LTBP1: variants seen among roughly 807,000 people sequenced by gnomAD.
The protein encoded by LTBP1 is latent transforming growth factor beta binding protein 1, also known as latent-transforming growth factor beta-binding protein 1.
LTBP1 carries 129 observed loss-of-function variants against 207.6 expected under a neutral mutation model. That is an observed-to-expected ratio of 0.62 (90% CI 0.54 to 0.72). LTBP1 has a LOEUF of 0.72. Ranked by LOEUF, LTBP1 falls within the 30% of genes least tolerant of loss-of-function variation. LTBP1 has a pLI of 0.00. For synonymous variants in LTBP1, 963 were observed against 833.7 expected (o/e 1.16, Z -2.67); for missense variants, 2,281 against 2,217.2 (o/e 1.03, Z -0.58).
intron 9 of LTBP1, among the ~76,000 whole-genome samples, chr2:33,224,979 A>AAAG (rs1225037117): frequency 6.6e-6 from 1 of 152,144 alleles, no homozygotes; most frequent in Non-Finnish European, 1.5e-5. Flanking sequence ...ATGCATACTT[A>AAAG]GGTCATTGAT....
chr2:33,260,031 A>G (rs970518970), intron 13 of LTBP1, among the ~76,000 whole-genome samples: 2 of 152,206 alleles, frequency 1.3e-5, no homozygotes, highest in African/African-American at 4.8e-5. Context: ...TTCAACTAAA[A>G]TTTAACATAC....
intron 26 of LTBP1, among the ~76,000 whole-genome samples, chr2:33,353,514 T>C (rs914522619): frequency 2.6e-5 from 4 of 152,214 alleles, no homozygotes; most frequent in Admixed American, 6.5e-5. Context: ...ACTCGGTAAC[T>C]GTTGAATAAA....
Position 33,081,718 on chromosome 2 carries a change from A to G in LTBP1, c.864-28864A>G, listed in dbSNP as rs148303575. Among the ~76,000 whole-genome samples the G allele has an allele frequency of 4.4e-4, 67 of 152,248 alleles. 2 individuals carry two copies. In the East Asian group the frequency reaches 0.011, roughly 25 times the overall value. ...TGTCCCCACCCAAATCTCACCTTGAATTGCAGTCCCCATAGTCCCCATATG... is the reference window on the plus strand; with the variant it reads ...TGTCCCCACCCAAATCTCACCTTGAGTTGCAGTCCCCATAGTCCCCATATG... On this transcript the variant is annotated intron_variant, in intron 3 of 33. Transcript: ENST00000404816.
intron 5 of LTBP1, among the ~76,000 whole-genome samples, chr2:33,148,672 T>C (rs2083252719): frequency 1.3e-5 from 2 of 152,204 alleles, no homozygotes; most frequent in African/African-American, 2.4e-5. Flanking sequence ...ATCAGGCATA[T>C]CCTTAGCTGG....
intron 2 of LTBP1, among the ~76,000 whole-genome samples, chr2:33,008,140 C>G (rs1687181654): frequency 6.6e-6 from 1 of 152,070 alleles, no homozygotes; most frequent in South Asian, 2.1e-4. Flanking sequence ...TTCAAAAAAG[C>G]TTTTCTTGTT....
intron 19 of LTBP1, among the ~76,000 whole-genome samples, chr2:33,289,646 A>C (rs1243715948): frequency 6.6e-6 from 1 of 152,218 alleles, no homozygotes; most frequent in Non-Finnish European, 1.5e-5. Flanking sequence ...GATTATAGAC[A>C]AGAGCCACCA....
At chr2:33,259,432 C>T (rs1016497793) in intron 12 of LTBP1, among the ~76,000 whole-genome samples, 156 bp from the exon 13 acceptor site, 11 of 152,166 alleles carry the variant, frequency 7.2e-5, no homozygotes, top group Admixed American at 6.5e-4. Context: ...GTAAAATTCC[C>T]TAAAATGGCA....
At position 32,974,147 on chromosome 2, in the gene LTBP1, T is replaced by C. The variant is rs1572893770; in HGVS notation, c.565+25202T>C. 2.0e-5 allele frequency among the ~76,000 whole-genome samples: 3 copies of C among 152,348 alleles called. No homozygotes were observed. The East Asian group carries it at 5.8e-4, about 29-fold the overall frequency. On this transcript the variant is annotated intron_variant, in intron 2 of 33. Transcript: ENST00000404816. ...TGGGATTGCTGGATCATATGGTAGC[T>C]CAATTTTTAGTTTTTTGAGGAACCT... is the stretch of plus-strand genomic sequence containing the variant.
At chr2:32,955,249 C>A (rs1677885138) in intron 2 of LTBP1, among the ~76,000 whole-genome samples, 1 of 152,200 alleles carries the variant, frequency 6.6e-6, no homozygotes, top group African/African-American at 2.4e-5. Flanking sequence ...AAGGCAGGAA[C>A]CCTCTAAACA....
At chr2:33,103,632 T>TGTGTGTGTGTGA (rs200334066) in intron 3 of LTBP1, among the ~76,000 whole-genome samples, 1 of 149,410 alleles carries the variant, frequency 6.7e-6, no homozygotes, top group Non-Finnish European at 1.5e-5. Flanking sequence ...TGTGTGAGTG[T>TGTGTGTGTGTGA]TATGCTGCCA....
chr2:33,382,074 CTTTTTTTTTTTTTTTTTTTTTTT>C (rs70938398), intron 31 of LTBP1, among the ~76,000 whole-genome samples: 3 of 46,784 alleles, frequency 6.4e-5, no homozygotes, highest in East Asian at 1.0e-3. Flanking sequence ...CCTACTGCTT[CTTTTTTTTTTTTTTTTTTTTTTT>C]TTTTTTTTTT....
chr2:33,216,408 G>T (rs1052260516), intron 7 of LTBP1, among the ~76,000 whole-genome samples: 1 of 152,150 alleles, frequency 6.6e-6, no homozygotes, highest in East Asian at 1.9e-4. Context: ...AAAATAAAGA[G>T]CCCTTTGGTA....
intron 31 of LTBP1, among the ~76,000 whole-genome samples, chr2:33,374,567 C>G (rs1476058001): frequency 6.6e-6 from 1 of 152,158 alleles, no homozygotes. Flanking sequence ...GCAAGCGTTC[C>G]AGTTCTGTGG....
chr2:33,352,379 C>T (rs1470981268), intron 26 of LTBP1, among the ~76,000 whole-genome samples: 3 of 152,128 alleles, frequency 2.0e-5, no homozygotes, highest in African/African-American at 7.2e-5. Context: ...ATCCACCTGC[C>T]TCGGCCTTCC....
chr2:32,950,227 A>C (rs1676891493), intron 2 of LTBP1, among the ~76,000 whole-genome samples: 1 of 152,208 alleles, frequency 6.6e-6, no homozygotes, highest in Non-Finnish European at 1.5e-5. Flanking sequence ...TGTTAACAGC[A>C]CCACTGCAAT....
chr2:33,150,727 T>TC, intron 5 of LTBP1, among the ~76,000 whole-genome samples: 1 of 123,552 alleles, frequency 8.1e-6, no homozygotes, highest in Non-Finnish European at 1.7e-5. Context: ...TTTTTTTTTT[T>TC]TTTTTTTTTG....
chr2:33,075,662 T>G (rs1334891222), intron 3 of LTBP1, among the ~76,000 whole-genome samples: 1 of 152,208 alleles, frequency 6.6e-6, no homozygotes, highest in Non-Finnish European at 1.5e-5. Flanking sequence ...AACATCTGAT[T>G]TTGAAGTTAC....
chr2:33,152,366 A>G (rs1169135853), intron 5 of LTBP1, among the ~76,000 whole-genome samples: 3 of 152,220 alleles, frequency 2.0e-5, no homozygotes, highest in Non-Finnish European at 4.4e-5. Context: ...CTACAGTGCG[A>G]TACCACCTCA....
chr2:33,168,448 G>A (rs2085129977), intron 5 of LTBP1, among the ~76,000 whole-genome samples: 1 of 150,970 alleles, frequency 6.6e-6, no homozygotes. Context: ...TGGGTGTTGT[G>A]TAAAATAAGC....
Sources: gnomAD v4.1 joint callset for allele counts (sites outside exome capture counted in the v4.1 genomes callset) on GRCh38, gnomAD v4.1.1 for gene constraint, MANE v1.5 for transcripts, NCBI Gene and HGNC (gene_info 2026-07-23, HGNC 2026-07-21) for gene names.